CLEC12A: variants seen among roughly 807,000 people sequenced by gnomAD.
The protein encoded by CLEC12A is C-type lectin domain family 12 member A.
CLEC12A carries 22 observed loss-of-function variants against 26.5 expected under a neutral mutation model. That is an observed-to-expected ratio of 0.83 (90% CI 0.59 to 1.19). CLEC12A has a LOEUF of 1.19. Ranked by LOEUF, CLEC12A falls within the 50% of genes most tolerant of loss-of-function variation. CLEC12A has a pLI of 0.00. For synonymous variants in CLEC12A, 119 were observed against 101.9 expected (o/e 1.17, Z -1.01); for missense variants, 353 against 315.6 (o/e 1.12, Z -0.90).
chr12:9,986,893 T>G (rs555916606), downstream of CLEC12A, among the ~76,000 whole-genome samples: 15 of 152,314 alleles, frequency 9.8e-5, no homozygotes, highest in African/African-American at 3.6e-4. Flanking sequence ...TTGACTGAAC[T>G]TTACCTAAAA....
chr12:9,974,851 C>G (rs1023642026), intron 1 of CLEC12A, among the ~76,000 whole-genome samples: 1 of 152,180 alleles, frequency 6.6e-6, no homozygotes, highest in Non-Finnish European at 1.5e-5. Flanking sequence ...CCACCCAAAT[C>G]TCATCTTGAA....
intron 4 of CLEC12A, among the ~76,000 whole-genome samples, chr12:9,981,692 C>T (rs1012648841): frequency 6.6e-6 from 1 of 152,080 alleles, no homozygotes; most frequent in East Asian, 1.9e-4. Context: ...AGCCATTACC[C>T]ACCTCCTTTG....
At chr12:10,004,466 C>T in the CLEC12A span, among the ~76,000 whole-genome samples, 6 of 152,012 alleles carry the variant, frequency 3.9e-5, no homozygotes, top group African/African-American at 9.7e-5. Context: ...GGCCATCCAA[C>T]GGCCAAACTA....
chr12:9,973,472 C>T (rs187097861), intron 1 of CLEC12A, among the ~76,000 whole-genome samples: 2 of 151,930 alleles, frequency 1.3e-5, no homozygotes, highest in African/African-American at 4.8e-5. Context: ...CAAAACAAAA[C>T]AAGACAAAAA....
intron 5 of CLEC12A, chr12:9,984,118 T>C (rs1404277134): frequency 1.0e-5 from 2 of 199,228 alleles, no homozygotes; most frequent in African/African-American, 4.7e-5. Flanking sequence ...TATGTGTGTG[T>C]GTGTGTATAT....
chr12:9,951,765 A>G (rs1591805516), intron 1 of CLEC12A: 1 of 247,966 alleles, frequency 4.0e-6, no homozygotes, highest in East Asian at 1.0e-4. Flanking sequence ...ATCTGAGTGC[A>G]GACCGCTTGG....
intron 4 of CLEC12A, among the ~76,000 whole-genome samples, chr12:9,994,816 C>T (rs1288763902): frequency 1.4e-5 from 2 of 147,308 alleles, no homozygotes; most frequent in Non-Finnish European, 3.0e-5. Flanking sequence ...CAAAAACACA[C>T]ACACATGTGC....
chr12:9,965,254 T>C (rs199560361), intron 1 of CLEC12A, among the ~76,000 whole-genome samples: 44,550 of 151,564 alleles, frequency 0.29, 6,765 homozygotes, highest in East Asian at 0.46. Context: ...GAATTCTGAC[T>C]GCCCTAACCA....
intron 1 of CLEC12A, among the ~76,000 whole-genome samples, chr12:9,964,172 G>A (rs965981883): frequency 3.3e-5 from 5 of 152,132 alleles, no homozygotes; most frequent in African/African-American, 9.7e-5. Context: ...GGAGGAGGGC[G>A]GCAGCTTGCT....
intron 5 of CLEC12A, chr12:9,983,521 G>T (rs1376687635): frequency 2.9e-6 from 2 of 695,364 alleles, no homozygotes; most frequent in African/African-American, 1.8e-5. Flanking sequence ...TCTGAAATTT[G>T]GGAAGCAGAA....
upstream of CLEC12A, chr12:9,951,298 C>A (rs982566607): frequency 1.4e-6 from 1 of 702,848 alleles, no homozygotes; most frequent in Non-Finnish European, 2.6e-6. Context: ...CAGCCCCAAC[C>A]ACATTTCTGA....
chr12:9,967,501 G>A (rs1310599358), upstream of CLEC12A, among the ~76,000 whole-genome samples: 16 of 152,122 alleles, frequency 1.1e-4, no homozygotes, highest in Admixed American at 9.2e-4. Flanking sequence ...GAGGTTTTAG[G>A]TTTTTAAGAG....
chr12:9,968,563 C>A (rs1449339157), upstream of CLEC12A, among the ~76,000 whole-genome samples: 1 of 152,020 alleles, frequency 6.6e-6, no homozygotes, highest in East Asian at 1.9e-4. Context: ...AGGAACAGGC[C>A]ATTTTCACTT....
chr12:9,965,824 T>C (rs929793334), intron 1 of CLEC12A, among the ~76,000 whole-genome samples: 1 of 152,040 alleles, frequency 6.6e-6, no homozygotes, highest in African/African-American at 2.4e-5. Context: ...ATATTGGCAT[T>C]GAGCGGGGTA....
At chr12:9,999,270 C>A, downstream of CLEC12A, 2 of 503,368 alleles carry the variant, frequency 4.0e-6, no homozygotes, top group South Asian at 4.0e-5. Flanking sequence ...TTCCAGGAAG[C>A]TTCTTCATAG....
intron 1 of CLEC12A, among the ~76,000 whole-genome samples, chr12:9,978,622 C>T (rs1864431800): frequency 6.6e-6 from 1 of 152,122 alleles, no homozygotes; most frequent in Admixed American, 6.6e-5. Flanking sequence ...TCACTTTTCC[C>T]AAATTTGTAC....
chr12:10,001,027 G>A, the CLEC12A span, among the ~76,000 whole-genome samples: 2 of 152,080 alleles, frequency 1.3e-5, no homozygotes, highest in African/African-American at 4.8e-5. Flanking sequence ...TGTTCTCTTA[G>A]GTACCAAACA....
upstream of CLEC12A, among the ~76,000 whole-genome samples, chr12:9,970,066 G>C (rs1297091181): frequency 6.6e-6 from 1 of 152,152 alleles, no homozygotes; most frequent in East Asian, 1.9e-4. Flanking sequence ...TATTTTCATG[G>C]TAATATTTTC....
chr12:9,983,961 C>T (rs1184875848), intron 5 of CLEC12A: 1 of 201,726 alleles, frequency 5.0e-6, no homozygotes, highest in Non-Finnish European at 1.1e-5. Context: ...CAGATGGAAT[C>T]TTGTTTTGCA....
Sources: allele counts gnomAD v4.1 joint callset (sites outside exome capture counted in the v4.1 genomes callset), GRCh38; gene constraint gnomAD v4.1.1; transcripts MANE v1.5; gene names NCBI Gene and HGNC (gene_info 2026-07-23, HGNC 2026-07-21).